KRT8: variants seen among roughly 807,000 people sequenced by gnomAD.
KRT8 encodes keratin, type II cytoskeletal 8.
In KRT8, 24 loss-of-function variants were observed where a neutral mutation model predicts 43.0. That is an observed-to-expected ratio of 0.56 (90% CI 0.40 to 0.78). The LOEUF is 0.78. Among genes scored for constraint, KRT8 ranks in the 30% least tolerant of loss-of-function variants. The pLI, the probability that KRT8 is intolerant of heterozygous loss-of-function variation, is 0.00. For missense variants in KRT8, 492 were observed against 638.4 expected, an observed-to-expected ratio of 0.77 and a Z score of 2.47; for synonymous variants, 214 against 261.2, an observed-to-expected ratio of 0.82 and a Z score of 1.74.
intron 2 of KRT8, among the ~76,000 whole-genome samples, chr12:52,938,168 A>ATTTTT (rs1194326921): frequency 2.8e-5 from 1 of 35,468 alleles, no homozygotes; most frequent in Non-Finnish European, 4.8e-5. Flanking sequence ...ATATATATAT[A>ATTTTT]TATTTTTTTT....
chr12:52,903,761 G>A (rs1941434856), intron 1 of KRT8: 1 of 152,304 alleles, frequency 6.6e-6, no homozygotes, highest in Non-Finnish European at 1.5e-5. Context: ...AACTTAACAG[G>A]ACGTAAACCC....
At chr12:52,900,544 G>A (rs766314259) in intron 4 of KRT8, 44 bp downstream of exon 4, 2 of 1,313,328 alleles carry the variant, frequency 1.5e-6, no homozygotes, top group Non-Finnish European at 2.2e-6. Context: ...TGGAGGCGCT[G>A]ACAAGGCTGG....
intron 2 of KRT8, among the ~76,000 whole-genome samples, chr12:52,918,180 G>GAAGAAGAAGAAGAAGAAGGA: frequency 1.4e-5 from 1 of 73,816 alleles, no homozygotes; most frequent in African/African-American, 6.0e-5. Flanking sequence ...AAGAGGAAGA[G>GAAGAAGAAGAAGAAGAAGGA]GAAGAAGAAG....
intron 2 of KRT8, among the ~76,000 whole-genome samples, chr12:52,933,368 C>T (rs1300971026): frequency 1.3e-5 from 2 of 152,084 alleles, no homozygotes; most frequent in African/African-American, 4.8e-5. Flanking sequence ...AAAATATGTG[C>T]AAGATTTGTA....
intron 2 of KRT8, among the ~76,000 whole-genome samples, chr12:52,938,160 ATATATATATATTTTTTTT>A (rs1380601194): frequency 1.8e-4 from 6 of 34,200 alleles, no homozygotes; most frequent in African/African-American, 1.3e-3. Flanking sequence ...ATATATATAT[ATATATATATATTTTTTTT>A]TTTTTTTATA....
chr12:52,912,102 C>A (rs767478968), intron 2 of KRT8, among the ~76,000 whole-genome samples: 1 of 152,304 alleles, frequency 6.6e-6, no homozygotes. Flanking sequence ...AAGAGACTGT[C>A]CTCAGAGCAG....
At chr12:52,907,083 A>C (rs1592168179), upstream of KRT8, 3 of 216,006 alleles carry the variant, frequency 1.4e-5, no homozygotes, top group Middle Eastern at 1.8e-3. Flanking sequence ...TGGCTCCTTC[A>C]CCTCCCCTCC....
chr12:52,943,865 G>A (rs898642732), intron 2 of KRT8, among the ~76,000 whole-genome samples: 7 of 152,166 alleles, frequency 4.6e-5, no homozygotes, highest in Non-Finnish European at 8.8e-5. Context: ...AGACAGAGCC[G>A]GCTGACTGGA....
At chr12:52,898,875 C>T (rs1941288195) in exon 6 of KRT8, 2 of 1,613,026 alleles carry the variant, frequency 1.2e-6, no homozygotes, top group Admixed American at 1.7e-5. Context: ...TCGGCATCTG[C>T]AATGGCGGCC....
chr12:52,926,340 C>CCCCCCCCCCCCCCCCCCTGG, intron 2 of KRT8: 1 of 796,152 alleles, frequency 1.3e-6, no homozygotes, highest in Non-Finnish European at 2.0e-6. Context: ...CTGCCCTCCC[C>CCCCCCCCCCCCCCCCCCTGG]ACCCCACCCC....
At chr12:52,927,389 G>T (rs748988321) in intron 2 of KRT8, among the ~76,000 whole-genome samples, 1 of 152,240 alleles carries the variant, frequency 6.6e-6, no homozygotes, top group Non-Finnish European at 1.5e-5. Context: ...TGGGGAAAGG[G>T]TGGGGAGCCT....
At chr12:52,938,171 T>TATGTA (rs1350561374) in intron 2 of KRT8, among the ~76,000 whole-genome samples, 4 of 29,796 alleles carry the variant, frequency 1.3e-4, no homozygotes, top group African/African-American at 6.6e-4. Context: ...TATATATATA[T>TATGTA]TTTTTTTTTT....
At chr12:52,948,494 CTT>C (rs375720808) in intron 2 of KRT8, 16 of 111,008 alleles carry the variant, frequency 1.4e-4, no homozygotes, top group Non-Finnish European at 1.6e-4. Context: ...TTTCTTTTTT[CTT>C]TTTTTTTTTT....
intron 1 of KRT8, 71 bp from the exon 2 acceptor site, chr12:52,902,143 G>A (rs780459322): frequency 3.5e-4 from 331 of 938,936 alleles, no homozygotes; most frequent in Non-Finnish European, 4.7e-4. Context: ...AAAGCAAGCA[G>A]TCTTTTCTCT....
chr12:52,918,048 A>AAGAAGG (rs1479026560), intron 2 of KRT8, among the ~76,000 whole-genome samples: 2 of 143,286 alleles, frequency 1.4e-5, no homozygotes, highest in African/African-American at 5.2e-5. Flanking sequence ...GAAGAAGAAG[A>AAGAAGG]AGAGGAAGAA....
rs192898692 is a variant in KRT8 at position 52,932,378 on chromosome 12, C to T, written c.-47+17078G>A. 2.2e-3 allele frequency among the ~76,000 whole-genome samples: 334 copies of T among 152,176 alleles called. 1 individual carries two copies. The highest frequency in any genetic ancestry group is 2.8e-3 in the Non-Finnish European group (190 of 68,008). On this transcript the variant is annotated intron_variant, in intron 2 of 6. Transcript: ENST00000546826. ...CTGGGATTACAGGTGTGAGCCACCG[C>T]GCCTGGCAAATCATTCTTAATAGTG...
chr12:52,898,762 C>G, exon 6 of KRT8: 1 of 1,614,254 alleles, frequency 6.2e-7, no homozygotes, highest in Non-Finnish European at 8.5e-7. Context: ...GCTCCTGGTA[C>G]TCACGCAGCT....
chr12:52,949,331 G>C, intron 2 of KRT8: 1 of 1,609,800 alleles, frequency 6.2e-7, no homozygotes, highest in Non-Finnish European at 8.5e-7. Context: ...CGCTCCACCA[G>C]CTTCAGGGGC....
At chr12:52,921,493 C>T (rs529095253) in intron 2 of KRT8, among the ~76,000 whole-genome samples, 3 of 152,190 alleles carry the variant, frequency 2.0e-5, no homozygotes, top group African/African-American at 7.2e-5. Flanking sequence ...CCCCCAGGCC[C>T]CCATGGCCTG....
Sources: gnomAD v4.1 joint callset for allele counts (sites outside exome capture counted in the v4.1 genomes callset) on GRCh38, gnomAD v4.1.1 for gene constraint, MANE v1.5 for transcripts, NCBI Gene and HGNC (gene_info 2026-07-23, HGNC 2026-07-21) for gene names.